The following KCNMA1 variants were observed in gnomAD, a reference collection of about 807,000 sequenced individuals.
KCNMA1 encodes potassium calcium-activated channel subfamily M alpha 1, also known as Calcium-activated potassium channel subunit alpha-1.
A neutral mutation model predicts 140.0 loss-of-function variants in KCNMA1; 29 were observed. That is an observed-to-expected ratio of 0.21 (90% CI 0.15 to 0.28). The LOEUF (loss-of-function observed/expected upper bound fraction) is 0.28. KCNMA1 is among the 10% of genes least tolerant of loss of function. KCNMA1 has a pLI of 1.00. For missense variants in KCNMA1, 880 were observed against 1,602.2 expected, an observed-to-expected ratio of 0.55 and a Z score of 7.70; for synonymous variants, 612 against 611.9, an observed-to-expected ratio of 1.00 and a Z score of 0.00.
chr10:77,099,062 A>G (rs867843422), intron 9 of KCNMA1, among the ~76,000 whole-genome samples: 16 of 152,096 alleles, frequency 1.1e-4, no homozygotes, highest in African/African-American at 3.6e-4. Context: ...GCCCGATTTC[A>G]TTTTTAATGC....
At chr10:77,535,545 A>G (rs952884957) in intron 1 of KCNMA1, among the ~76,000 whole-genome samples, 1 of 152,226 alleles carries the variant, frequency 6.6e-6, no homozygotes, top group Non-Finnish European at 1.5e-5. Flanking sequence ...ACTGCTGGGT[A>G]TATACCCAAA....
Position 76,974,287 on chromosome 10 carries a change from G to C in KCNMA1, c.2267-4220C>G, listed in dbSNP as rs1037740551. 11 of 515,456 alleles carry C rather than the reference G, an allele frequency of 2.1e-5. No individual in the cohort carries two copies. In the African/African-American group the frequency reaches 2.2e-4, roughly 10 times the overall value. 31.9% of individuals were successfully genotyped at this position (515,456 alleles called of 1,614,324 possible). On this transcript the variant is annotated intron_variant, in intron 19 of 27. Transcript: ENST00000286628. Reference sequence around the variant, plus strand: ...AAGTCTTGCACAAGCTGCCAGTTTGGGGGTGAGGTCGTTTTAATTATTATT... The same window carrying C: ...AAGTCTTGCACAAGCTGCCAGTTTGCGGGTGAGGTCGTTTTAATTATTATT...
chr10:76,909,920 C>T, intron 25 of KCNMA1, 46 bp downstream of exon 25: 2 of 1,601,580 alleles, frequency 1.2e-6, no homozygotes, highest in South Asian at 1.1e-5. Context: ...GCTCTATTGG[C>T]ACATCCTCCA....
chr10:77,054,847 T>C (rs543582887), intron 14 of KCNMA1, among the ~76,000 whole-genome samples: 1 of 152,174 alleles, frequency 6.6e-6, no homozygotes, highest in South Asian at 2.1e-4. Flanking sequence ...ATCAGCCAAA[T>C]GAGTTTGAAG....
chr10:77,061,227 A>T (rs1044750516), intron 14 of KCNMA1, among the ~76,000 whole-genome samples: 16 of 152,342 alleles, frequency 1.1e-4, no homozygotes, highest in African/African-American at 3.8e-4. Flanking sequence ...TTAAGTTAAG[A>T]AAATGAAAAC....
At chr10:76,876,344 A>T (rs2032375539), downstream of KCNMA1, 1 of 152,656 alleles carries the variant, frequency 6.6e-6, no homozygotes, top group African/African-American at 2.4e-5. Flanking sequence ...CTTGATGATC[A>T]TATCAAAGAT....
At chr10:77,330,219 T>C (rs1369772110) in intron 2 of KCNMA1, among the ~76,000 whole-genome samples, 1 of 152,082 alleles carries the variant, frequency 6.6e-6, no homozygotes, top group African/African-American at 2.4e-5. Flanking sequence ...CAATGGGAGA[T>C]AGTAAAAACA....
chr10:77,204,724 G>A (rs1309862194), intron 3 of KCNMA1, among the ~76,000 whole-genome samples: 2 of 152,164 alleles, frequency 1.3e-5, no homozygotes, highest in Non-Finnish European at 2.9e-5. Flanking sequence ...TCTGTGATAA[G>A]ATGATAGTTC....
intron 1 of KCNMA1, among the ~76,000 whole-genome samples, chr10:77,425,074 T>C (rs2096950419): frequency 6.6e-6 from 1 of 151,362 alleles, no homozygotes; most frequent in Non-Finnish European, 1.5e-5. Context: ...GATGGATGGG[T>C]GGATGGATGA....
intron 2 of KCNMA1, among the ~76,000 whole-genome samples, chr10:77,259,388 G>A (rs2061480190): frequency 6.6e-6 from 1 of 152,070 alleles, no homozygotes; most frequent in African/African-American, 2.4e-5. Flanking sequence ...GCAATACTAT[G>A]AAGCCATACT....
At chr10:77,056,705 G>A (rs576993465) in intron 14 of KCNMA1, among the ~76,000 whole-genome samples, 79 of 152,054 alleles carry the variant, frequency 5.2e-4, no homozygotes, top group African/African-American at 1.8e-3. Context: ...AGTAAAAGAC[G>A]GGATGCATAA....
chr10:77,404,306 T>C (rs1436720282), intron 1 of KCNMA1, among the ~76,000 whole-genome samples: 2 of 152,166 alleles, frequency 1.3e-5, no homozygotes, highest in Non-Finnish European at 2.9e-5. Flanking sequence ...TGAGATGAAG[T>C]CTCACTCTGT....
chr10:77,633,872 C>T (rs2154571527), intron 1 of KCNMA1, among the ~76,000 whole-genome samples: 1 of 152,316 alleles, frequency 6.6e-6, no homozygotes, highest in East Asian at 1.9e-4. Context: ...AAGTAGACCA[C>T]ATGCTGGAAG....
At chr10:77,221,935 C>T (rs2049829613) in intron 3 of KCNMA1, among the ~76,000 whole-genome samples, 1 of 152,208 alleles carries the variant, frequency 6.6e-6, no homozygotes, top group Non-Finnish European at 1.5e-5. Context: ...AGCTCTGTCA[C>T]TTACGAGCTG....
intron 1 of KCNMA1, among the ~76,000 whole-genome samples, chr10:77,560,930 C>T (rs1188831600): frequency 6.6e-6 from 1 of 152,218 alleles, no homozygotes; most frequent in African/African-American, 2.4e-5. Context: ...TGCTTCTGCT[C>T]TTTAGGCAGG....
chr10:77,329,383 T>C (rs185460332), intron 2 of KCNMA1, among the ~76,000 whole-genome samples: 1 of 152,204 alleles, frequency 6.6e-6, no homozygotes, highest in Non-Finnish European at 1.5e-5. Flanking sequence ...GGATCTCTCA[T>C]GAATGAGACT....
chr10:77,488,867 C>T (rs1284846722), intron 1 of KCNMA1, among the ~76,000 whole-genome samples: 3 of 152,242 alleles, frequency 2.0e-5, no homozygotes, highest in Non-Finnish European at 4.4e-5. Flanking sequence ...CCTGCTGACA[C>T]TTCATTTAAA....
chr10:77,162,887 C>T (rs531144899), intron 5 of KCNMA1, among the ~76,000 whole-genome samples: 2 of 152,252 alleles, frequency 1.3e-5, no homozygotes, highest in African/African-American at 2.4e-5. Context: ...AAACAGACTG[C>T]GGGGTTCATA....
chr10:77,109,551 A>G (rs995720503), intron 8 of KCNMA1, among the ~76,000 whole-genome samples: 2 of 152,216 alleles, frequency 1.3e-5, no homozygotes, highest in African/African-American at 4.8e-5. Context: ...AAAAGCAAAC[A>G]GTGAAACTTT....
Sources: gnomAD v4.1 joint callset for allele counts (sites outside exome capture counted in the v4.1 genomes callset) on GRCh38, gnomAD v4.1.1 for gene constraint, MANE v1.5 for transcripts, NCBI Gene and HGNC (gene_info 2026-07-23, HGNC 2026-07-21) for gene names.